BTG4: variants seen among roughly 807,000 people sequenced by gnomAD.
BTG4 encodes the protein protein BTG4.
Under a neutral mutation model 19.3 loss-of-function variants are expected in BTG4, and 10 were observed. That is an observed-to-expected ratio of 0.52 (90% CI 0.32 to 0.88). The LOEUF (loss-of-function observed/expected upper bound fraction) is 0.88. Among genes scored for constraint, BTG4 ranks in the 40% least tolerant of loss-of-function variants. BTG4 has a pLI of 0.04. For synonymous variants in BTG4, 91 were observed against 95.7 expected (o/e 0.95, Z 0.29); for missense variants, 238 against 281.9 (o/e 0.84, Z 1.11).
At chr11:111,399,072 G>A in the BTG4 span, 2 of 152,208 alleles carry the variant, frequency 1.3e-5, no homozygotes, top group African/African-American at 4.8e-5. Flanking sequence ...CAACCCCAGA[G>A]GGAAACTGAG....
At chr11:111,411,985 T>C in the BTG4 span, among the ~76,000 whole-genome samples, 3 of 152,172 alleles carry the variant, frequency 2.0e-5, no homozygotes, top group African/African-American at 7.2e-5. Flanking sequence ...TCCAGTGGAA[T>C]GGTGTCCTGA....
chr11:111,454,475 A>G, the BTG4 span: 1 of 365,592 alleles, frequency 2.7e-6, no homozygotes, highest in African/African-American at 2.1e-5. Flanking sequence ...AATATGGAAC[A>G]TAGAGTCCTA....
the BTG4 span, among the ~76,000 whole-genome samples, chr11:111,442,092 C>A: frequency 6.6e-6 from 1 of 151,910 alleles, no homozygotes; most frequent in Admixed American, 6.6e-5. Flanking sequence ...GTGAGTTGAA[C>A]ATAAGAGACC....
At chr11:111,432,625 CA>C in the BTG4 span, among the ~76,000 whole-genome samples, 1 of 151,388 alleles carries the variant, frequency 6.6e-6, no homozygotes, top group African/African-American at 2.4e-5. Context: ...GCCTGGGCAA[CA>C]GAGCAAAGCT....
chr11:111,479,433 G>A (rs1209176885), intron 5 of BTG4, among the ~76,000 whole-genome samples: 6 of 152,042 alleles, frequency 3.9e-5, no homozygotes, highest in Non-Finnish European at 7.4e-5. Flanking sequence ...AACAGAGTGA[G>A]ACCCTGTTCT....
At chr11:111,420,813 C>T in the BTG4 span, among the ~76,000 whole-genome samples, 1 of 152,168 alleles carries the variant, frequency 6.6e-6, no homozygotes, top group East Asian at 1.9e-4. Context: ...ACTAACAGGC[C>T]TTACCCTCAT....
At chr11:111,475,430 A>G (rs1864345617) in intron 5 of BTG4, 1 of 152,098 alleles carries the variant, frequency 6.6e-6, no homozygotes, top group African/African-American at 2.4e-5. Flanking sequence ...CAATCAGGCT[A>G]AGGTTGTCTA....
At chr11:111,484,077 G>A (rs1236910323) in intron 5 of BTG4, among the ~76,000 whole-genome samples, 1 of 151,998 alleles carries the variant, frequency 6.6e-6, no homozygotes, top group African/African-American at 2.4e-5. Flanking sequence ...GACATTCAAA[G>A]TGCCAAAGAA....
At chr11:111,440,664 T>G in the BTG4 span, among the ~76,000 whole-genome samples, 2 of 152,350 alleles carry the variant, frequency 1.3e-5, no homozygotes, top group Admixed American at 6.5e-5. Context: ...CTTTTCAGAT[T>G]TTTGTTCACA....
downstream of BTG4, chr11:111,462,901 T>A (rs557875680): frequency 3.9e-5 from 6 of 152,696 alleles, no homozygotes; most frequent in Admixed American, 3.9e-4. Flanking sequence ...GATGAGCACA[T>A]CCTCCCACAT....
the BTG4 span, among the ~76,000 whole-genome samples, chr11:111,395,044 A>G: frequency 1.3e-5 from 2 of 152,384 alleles, no homozygotes; most frequent in South Asian, 2.1e-4. Flanking sequence ...TGACTAAGGA[A>G]GAAGGCCAAA....
chr11:111,501,504 G>A (rs888600363), intron 1 of BTG4, among the ~76,000 whole-genome samples: 2 of 152,044 alleles, frequency 1.3e-5, no homozygotes, highest in Non-Finnish European at 2.9e-5. Flanking sequence ...TATCAAAGTT[G>A]GTTAAGGATA....
chr11:111,493,330 T>C (rs1565461284), downstream of BTG4, among the ~76,000 whole-genome samples: 1 of 152,230 alleles, frequency 6.6e-6, no homozygotes, highest in Non-Finnish European at 1.5e-5. Flanking sequence ...GAGAAACAGT[T>C]ACTGTTGTTA....
chr11:111,436,405 C>T, the BTG4 span, among the ~76,000 whole-genome samples: 1 of 152,176 alleles, frequency 6.6e-6, no homozygotes, highest in African/African-American at 2.4e-5. Context: ...ATGGGTGGAT[C>T]ACCTGAGGTC....
intron 5 of BTG4, among the ~76,000 whole-genome samples, chr11:111,473,825 G>A (rs1417213793): frequency 6.6e-6 from 1 of 152,130 alleles, no homozygotes; most frequent in Non-Finnish European, 1.5e-5. Context: ...CAAGCTGGAG[G>A]AGAACAAAAA....
the BTG4 span, among the ~76,000 whole-genome samples, chr11:111,444,272 GA>G: frequency 7.3e-6 from 1 of 137,564 alleles, no homozygotes; most frequent in Non-Finnish European, 1.6e-5. Context: ...GAGAGGGAGG[GA>G]AGAGGAGAGA....
chr11:111,432,981 C>A, the BTG4 span, among the ~76,000 whole-genome samples: 1 of 152,040 alleles, frequency 6.6e-6, no homozygotes, highest in Non-Finnish European at 1.5e-5. Context: ...CATAAGCCAC[C>A]ATGCCTGGCC....
At chr11:111,499,885 T>TAATCCC (rs1396728928) in intron 1 of BTG4, among the ~76,000 whole-genome samples, 1 of 152,146 alleles carries the variant, frequency 6.6e-6, no homozygotes, top group Non-Finnish European at 1.5e-5. Flanking sequence ...CTCATGCCTA[T>TAATCCC]AATCCCAACA....
At chr11:111,441,691 G>A in the BTG4 span, among the ~76,000 whole-genome samples, 1 of 152,188 alleles carries the variant, frequency 6.6e-6, no homozygotes, top group Admixed American at 6.5e-5. Flanking sequence ...TTATTGACTT[G>A]AATGTGTGAC....
Sources: gnomAD v4.1 joint callset for allele counts (sites outside exome capture counted in the v4.1 genomes callset) on GRCh38, gnomAD v4.1.1 for gene constraint, MANE v1.5 for transcripts, NCBI Gene and HGNC (gene_info 2026-07-23, HGNC 2026-07-21) for gene names.